The following PSMD2 variants were observed in gnomAD, a reference collection of about 807,000 sequenced individuals.
PSMD2 encodes the protein proteasome 26S subunit ubiquitin receptor, non-ATPase 2.
Under a neutral mutation model 101.5 loss-of-function variants are expected in PSMD2, and 8 were observed. The observed-to-expected ratio is 0.08, with a 90% CI of 0.05 to 0.14. The LOEUF is 0.14. PSMD2 is among the 10% of genes least tolerant of loss of function. The pLI is 1.00. For missense variants in PSMD2, 784 were observed against 1,147.4 expected (o/e 0.68, Z 4.58); for synonymous variants, 418 against 433.8 (o/e 0.96, Z 0.45).
intron 8 of PSMD2, 23 bp downstream of exon 8, chr3:184,303,085 G>C (rs377042061): frequency 1.2e-6 from 2 of 1,607,136 alleles, no homozygotes; most frequent in Non-Finnish European, 1.7e-6. Context: ...CTCTGTGTAT[G>C]GGATTTGGGG....
intron 3 of PSMD2, among the ~76,000 whole-genome samples, chr3:184,301,287 G>A (rs900861173): frequency 1.3e-5 from 2 of 150,040 alleles, no homozygotes; most frequent in Admixed American, 6.7e-5. Flanking sequence ...AGTGAACCGA[G>A]AGCACACCAT....
At chr3:184,307,843 C>T (rs1694113220) in intron 18 of PSMD2, 47 bp from the exon 19 acceptor site, 1 of 1,612,898 alleles carries the variant, frequency 6.2e-7, no homozygotes, top group African/African-American at 1.3e-5. Flanking sequence ...TAGGCGATGT[C>T]TCCTCAGTGG....
rs762723066 is a variant in PSMD2 at position 184,302,351 on chromosome 3, G to A, written c.705-19G>A. Reference sequence around the variant, plus strand: ...GTGCCTGGGACTTTCTGAATTCTTTGTTACTTTTACTTTTGTAGTTGTGTG... The same window carrying A: ...GTGCCTGGGACTTTCTGAATTCTTTATTACTTTTACTTTTGTAGTTGTGTG... On this transcript the variant is annotated intron_variant, in intron 5 of 20. Transcript: ENST00000310118. 1.2e-6 allele frequency: 2 copies of A among 1,604,026 alleles called. No individual in the cohort carries two copies. The highest frequency in any genetic ancestry group is 8.5e-7 in the Non-Finnish European group (1 of 1,176,328).
chr3:184,308,288 T>G lies in PSMD2; in HGVS notation c.2426-161T>G, dbSNP rs1285087366. 2.0e-5 allele frequency among the ~76,000 whole-genome samples: 3 copies of G among 151,932 alleles called. No homozygotes were observed. Among genetic ancestry groups the G allele is most frequent in the South Asian group, 2.1e-4 (1 of 4,796 alleles). ...TCTAAGGGCTGTAAGCAAAGTGAGG[T>G]GGGGGCGTCTCTGGTTCGTAGTAGG... On this transcript the variant is annotated intron_variant, in intron 19 of 20. Transcript: ENST00000310118. This position sits in a 1 kb window ranked among gnomAD's most constrained non-coding sequence, Gnocchi z 6.0.
rs1721745029 is a variant in PSMD2 at position 184,304,173 on chromosome 3, G to T, written c.1451+99G>T. On this transcript the variant is annotated intron_variant, in intron 11 of 20. Transcript: ENST00000310118. The surrounding 1 kb of genome is among the most constrained non-coding windows in gnomAD (Gnocchi z 4.1). ...ACCCATATTGCCAAGGGCTACCACTGTGCCTATTGGGTATCTGGCTCTTGG... is the reference window on the plus strand; with the variant it reads ...ACCCATATTGCCAAGGGCTACCACTTTGCCTATTGGGTATCTGGCTCTTGG... The T allele has an allele frequency of 6.4e-7, 1 of 1,558,408 alleles. No individual in the cohort carries two copies. The highest frequency in any genetic ancestry group is 8.8e-7 in the Non-Finnish European group (1 of 1,130,302).
Position 184,299,330 on chromosome 3 carries a change from G to A in PSMD2, c.64G>A (p.Gly22Ser). 1 of 1,407,686 alleles carries A rather than the reference G, an allele frequency of 7.1e-7. No individual in the cohort carries two copies. The highest frequency in any genetic ancestry group is 9.2e-7 in the Non-Finnish European group (1 of 1,084,236). The allele number at this position is 1,407,686 out of a possible 1,614,324, so 87.2% of individuals were successfully genotyped here. A position where few individuals can be genotyped will look rare whatever the true frequency, so the allele number is the denominator to read the frequency against. Residue 22 changes from glycine to serine, a missense_variant, in exon 1 of 21, where the codon GGC (glycine) becomes AGC (serine). Transcript: ENST00000310118. ...CCAGCAGTCTCCAGCGGCGGCCCCC[G>A]GCGGCACGGACGAGAAGCCGAGCGG... ...QPQQSPAAAPGGTDEKPSGKE... is the reference protein window; with the variant it reads ...QPQQSPAAAPSGTDEKPSGKE...
At chr3:184,299,601 C>T (rs1446340236) in intron 1 of PSMD2, 200 bp downstream of exon 1, 1 of 781,232 alleles carries the variant, frequency 1.3e-6, no homozygotes, top group Admixed American at 3.3e-5. Flanking sequence ...CCCACCAACC[C>T]TCACCACCGC....
In PSMD2 at chr3:184,306,079, C is replaced by T; in HGVS notation, c.1728C>T (p.Ile576=). 6.2e-7 allele frequency: 1 copy of T among 1,614,216 alleles called. No individual in the cohort carries two copies. Among genetic ancestry groups the T allele is most frequent in the South Asian group, 1.1e-5 (1 of 91,086 alleles). ...HLGKGEAIEA[I]LAALEVVSEP... is the part of the protein sequence containing the mutation. Reference sequence around the variant, plus strand: ...GGAAGGGTGAGGCCATCGAGGCAATCCTGGCTGCACTGGAGGTTGTGTCAG... The same window carrying T: ...GGAAGGGTGAGGCCATCGAGGCAATTCTGGCTGCACTGGAGGTTGTGTCAG... The change falls in exon 14 of 21, where the codon ATC becomes ATT. Residue 576 remains isoleucine (I), a synonymous_variant. Transcript: ENST00000310118.
chr3:184,309,022 G>A lies in PSMD2; in HGVS notation c.*132G>A, dbSNP rs1330442115. ...GCTCTTTTGTTACTGAGTGAGATAAGGTTGTTCAATAAAGACTTTTATCCC... is the reference window on the plus strand; with the variant it reads ...GCTCTTTTGTTACTGAGTGAGATAAAGTTGTTCAATAAAGACTTTTATCCC... On this transcript the variant is annotated 3_prime_UTR_variant, in exon 21 of 21. Transcript: ENST00000310118. 1.5e-5 allele frequency: 15 copies of A among 977,104 alleles called. No individual in the cohort carries two copies. The highest frequency in any genetic ancestry group is 3.2e-5 in the African/African-American group (2 of 61,898). 60.5% of individuals were successfully genotyped at this position (977,104 alleles called of 1,614,324 possible).
In PSMD2 at chr3:184,302,414, G is replaced by A. The variant is rs11545182; in HGVS notation, c.749G>A (p.Arg250His). The change falls in exon 6 of 21, where the codon CGT (arginine) becomes CAT (histidine). Residue 250 changes from arginine (R) to histidine (H), a missense_variant. Around this residue, in one of 6 missense-constraint regions of PSMD2, gnomAD observed 208 missense variants for 301.6 expected, o/e 0.69. Transcript: ENST00000310118. ...GAGCCTGAGAACTCAGCCCTACTGC[G>A]TTGTGCCCTGGGTGTGTTCCGAAAG... ...VPEPENSALL[R>H]CALGVFRKFS... 23 of 1,614,066 alleles carry A rather than the reference G, an allele frequency of 1.4e-5. No individual in the cohort carries two copies. Among genetic ancestry groups the A allele is most frequent in the Non-Finnish European group, 1.7e-5 (20 of 1,180,038 alleles).
chr3:184,299,678 T>C, intron 1 of PSMD2, 173 bp from the exon 2 acceptor site: 1 of 659,388 alleles, frequency 1.5e-6, no homozygotes, highest in South Asian at 2.0e-5. Flanking sequence ...AAGTAGAGCC[T>C]GATTCAGAAC....
intron 16 of PSMD2, 120 bp from the exon 17 acceptor site, chr3:184,307,237 C>G: frequency 6.1e-6 from 7 of 1,151,790 alleles, no homozygotes; most frequent in Non-Finnish European, 8.6e-6. Context: ...GCCACCATGC[C>G]CAGCCTGCTG....
intron 13 of PSMD2, 38 bp from the exon 14 acceptor site, chr3:184,306,016 A>C: frequency 3.1e-6 from 5 of 1,613,726 alleles, no homozygotes; most frequent in Non-Finnish European, 4.2e-6. Flanking sequence ...TGCTGGATGG[A>C]GGCAAGTATC....
At position 184,301,871 on chromosome 3, in the gene PSMD2, G is replaced by A. The variant is rs1202711349; in HGVS notation, c.504G>A (p.Lys168=). ...YVRHLAGEVA[K]EWQELDDAEK... The stretch of plus-strand genomic sequence containing the variant: ...GGCATCTGGCAGGAGAAGTGGCTAA[G>A]GAGTGGCAGGAGCTGGATGACGCAG... Residue 168 remains lysine, a synonymous_variant, in exon 5 of 21, where the codon AAG becomes AAA. Transcript: ENST00000310118. The A allele has an allele frequency of 6.2e-7, 1 of 1,614,218 alleles. No homozygotes were observed. Among genetic ancestry groups the A allele is most frequent in the African/African-American group, 1.3e-5 (1 of 75,060 alleles).
At position 184,302,722 on chromosome 3, in the gene PSMD2, G is replaced by T; in HGVS notation, c.907G>T (p.Val303Leu). 1 of 1,614,152 alleles carries T rather than the reference G, an allele frequency of 6.2e-7. No homozygotes were observed. Among genetic ancestry groups the T allele is most frequent in the Non-Finnish European group, 8.5e-7 (1 of 1,180,050 alleles). ...QMAFMLGRHG[V>L]FLELSEDVEE... is the part of the protein sequence containing the mutation. ...GGCATTCATGCTAGGCCGGCATGGG[G>T]TGTTCCTGGAGCTGAGTGAAGATGT... The change falls in exon 7 of 21, where the codon GTG becomes TTG. Residue 303 changes from valine (V) to leucine (L), a missense_variant. Around this residue, in one of 6 missense-constraint regions of PSMD2, gnomAD observed 208 missense variants for 301.6 expected, o/e 0.69. Coordinates refer to ENST00000310118, the MANE Select transcript of PSMD2 (RefSeq NM_002808.5).
intron 9 of PSMD2, 48 bp downstream of exon 9, chr3:184,303,514 T>G: frequency 6.2e-7 from 1 of 1,608,568 alleles, no homozygotes; most frequent in Non-Finnish European, 8.5e-7. Flanking sequence ...TGATCACTTC[T>G]TTTGTCCTCT....
Position 184,306,481 on chromosome 3 carries a change from A to G in PSMD2, c.1936A>G (p.Met646Val), listed in dbSNP as rs376292169. The stretch of plus-strand genomic sequence containing the variant: ...GGACAAGAAGGAAGCCCCTGCTGAC[A>G]TGGGAGCACATCAGGTTATATGGGC... ...DKDKKEAPAD[M>V]GAHQGVAVLG... The change falls in exon 15 of 21, where the codon ATG becomes GTG. Residue 646 changes from methionine (M) to valine (V), a missense_variant. Around this residue, in one of 6 missense-constraint regions of PSMD2, gnomAD observed 282 missense variants for 437.6 expected, o/e 0.64. Coordinates refer to ENST00000310118, the MANE Select transcript of PSMD2 (RefSeq NM_002808.5). The G allele has an allele frequency of 5.6e-6, 9 of 1,613,922 alleles. No homozygotes were observed. The highest frequency in any genetic ancestry group is 1.3e-5 in the African/African-American group (1 of 75,032).
chr3:184,301,322 G>A (rs1186689801), intron 3 of PSMD2, among the ~76,000 whole-genome samples: 1 of 148,664 alleles, frequency 6.7e-6, no homozygotes, highest in African/African-American at 2.5e-5. Flanking sequence ...GGCAGCAAGA[G>A]CGAAACTGAG....
rs533293384 is a variant in PSMD2, at chr3:184,301,638, A to C, written c.459A>C (p.Ser153=). 1 of 1,614,174 alleles carries C rather than the reference A, an allele frequency of 6.2e-7. No individual in the cohort carries two copies. The highest frequency in any genetic ancestry group is 1.7e-5 in the Admixed American group (1 of 60,018). The change falls in exon 4 of 21, where the codon TCA becomes TCC. Residue 153 remains serine, a synonymous_variant. Transcript: ENST00000310118. ...RLVGSQEELA[S]WGHEYVRHLA... The stretch of plus-strand genomic sequence containing the variant: ...TGGGCTCCCAGGAGGAATTGGCATC[A>C]TGGGGTCATGAGTATGTCAGGTAAG...
Sources: allele counts gnomAD v4.1 joint callset (sites outside exome capture counted in the v4.1 genomes callset), GRCh38; gene constraint gnomAD v4.1.1; regional missense constraint gnomAD v4.1.1; non-coding constraint Gnocchi (gnomAD v3.1); transcripts MANE v1.5; gene names NCBI Gene and HGNC (gene_info 2026-07-23, HGNC 2026-07-21).